Variants in CATSPERE observed in about 807,000 individuals in gnomAD.
The protein encoded by CATSPERE is cation channel sperm-associated auxiliary subunit epsilon.
Under a neutral mutation model 114.1 loss-of-function variants are expected in CATSPERE, and 93 were observed. The observed-to-expected ratio is 0.81, with a 90% CI of 0.69 to 0.97. The LOEUF is 0.97. Among genes scored for constraint, CATSPERE ranks in the 50% least tolerant of loss-of-function variants. The pLI is 0.00. For missense variants in CATSPERE, 1,058 were observed against 1,131.6 expected (o/e 0.93, Z 0.93); for synonymous variants, 341 against 384.1 (o/e 0.89, Z 1.31).
chr1:244,535,361 G>A (rs966204812), intron 8 of CATSPERE, among the ~76,000 whole-genome samples: 3 of 152,182 alleles, frequency 2.0e-5, no homozygotes, highest in African/African-American at 7.2e-5. Context: ...GTTCCCCCAG[G>A]CCCCATGTGG....
At chr1:244,467,654 G>A (rs1207127542) in intron 2 of CATSPERE, among the ~76,000 whole-genome samples, 3 of 152,304 alleles carry the variant, frequency 2.0e-5, no homozygotes, top group Admixed American at 2.0e-4. Context: ...GAACGGTTAC[G>A]ACAGCATTAT....
intron 7 of CATSPERE, among the ~76,000 whole-genome samples, chr1:244,507,716 C>T (rs574820695): frequency 3.2e-4 from 49 of 152,214 alleles, no homozygotes; most frequent in African/African-American, 1.1e-3. Flanking sequence ...CCAGTTTTCC[C>T]AGCACAATTT....
At chr1:244,569,040 G>A (rs926629757) in intron 10 of CATSPERE, among the ~76,000 whole-genome samples, 47 of 152,262 alleles carry the variant, frequency 3.1e-4, no homozygotes, top group Admixed American at 6.5e-4. Context: ...GGCAAAGACC[G>A]TGGGTTCCTC....
intron 12 of CATSPERE, among the ~76,000 whole-genome samples, chr1:244,582,767 G>A (rs1166026783): frequency 6.6e-6 from 1 of 152,204 alleles, no homozygotes; most frequent in East Asian, 1.9e-4. Context: ...TCTATGCCAA[G>A]CACTTTCTAG....
chr1:244,520,298 A>G (rs1171665919), intron 8 of CATSPERE, among the ~76,000 whole-genome samples: 2 of 151,210 alleles, frequency 1.3e-5, no homozygotes, highest in Admixed American at 6.6e-5. Flanking sequence ...TATTTGGTCT[A>G]TATTTGCAGT....
At position 244,617,686 on chromosome 1, in the gene CATSPERE, G is replaced by T; in HGVS notation, c.2648G>T (p.Ser883Ile). The change falls in exon 20 of 22, where the codon AGT becomes ATT. Residue 883 changes from serine (S) to isoleucine (I), a missense_variant and splice_region_variant. By Grantham distance (142) the Ser-to-Ile change is moderately radical. This residue lies in a region of CATSPERE where 787 missense variants were observed against 905.6 expected (regional missense o/e 0.87). Transcript: ENST00000366534. Reference protein sequence around the residue: ...FRVKILDPNYSFCNLTAMFAI... With the variant: ...FRVKILDPNYIFCNLTAMFAI... ...GTGAAGATCCTGGATCCAAACTATA[G>T]GTGAATATATGTGTTACTGTAATAG... The T allele has an allele frequency of 6.5e-7, 1 of 1,532,220 alleles. No homozygotes were observed. 94.9% of individuals were successfully genotyped at this position (1,532,220 alleles called of 1,614,324 possible).
chr1:244,630,587 C>A (rs1673811336), intron 20 of CATSPERE, among the ~76,000 whole-genome samples: 1 of 152,122 alleles, frequency 6.6e-6, no homozygotes, highest in African/African-American at 2.4e-5. Context: ...ACAGTTCAAC[C>A]AAATAACTTA....
intron 12 of CATSPERE, 47 bp from the exon 13 acceptor site, chr1:244,583,817 C>G (rs1435066660): frequency 2.0e-6 from 3 of 1,533,994 alleles, no homozygotes. Context: ...CAGTGTCATG[C>G]CTGTCTCTCA....
At chr1:244,577,247 T>C (rs1665410762) in intron 11 of CATSPERE, among the ~76,000 whole-genome samples, 1 of 151,626 alleles carries the variant, frequency 6.6e-6, no homozygotes, top group Admixed American at 6.6e-5. Context: ...ACAGTAACTC[T>C]ACTTTCATTT....
At chr1:244,621,194 T>TATA (rs1330110357) in intron 20 of CATSPERE, among the ~76,000 whole-genome samples, 1 of 13,008 alleles carries the variant, frequency 7.7e-5, no homozygotes, top group African/African-American at 1.9e-4. Flanking sequence ...TATAGATATA[T>TATA]TTATATAGAT....
chr1:244,525,343 G>A (rs956029297), intron 8 of CATSPERE, among the ~76,000 whole-genome samples: 4 of 118,640 alleles, frequency 3.4e-5, no homozygotes, highest in Non-Finnish European at 6.6e-5. Flanking sequence ...CTCTTTTGGA[G>A]TGGGGGGAGG....
chr1:244,589,239 C>T (rs868149669), intron 14 of CATSPERE, among the ~76,000 whole-genome samples: 34 of 152,104 alleles, frequency 2.2e-4, no homozygotes, highest in African/African-American at 8.0e-4. Flanking sequence ...GAGTGAGAGT[C>T]GGGGAACATT....
At chr1:244,572,297 T>C (rs531166054) in intron 10 of CATSPERE, 33 bp from the exon 11 acceptor site, 1 of 1,067,984 alleles carries the variant, frequency 9.4e-7, no homozygotes, top group South Asian at 1.6e-5. Flanking sequence ...TTATGGTTAC[T>C]TAGACTAACA....
intron 5 of CATSPERE, among the ~76,000 whole-genome samples, chr1:244,489,836 A>G (rs947069093): frequency 6.6e-6 from 1 of 152,192 alleles, no homozygotes; most frequent in African/African-American, 2.4e-5. Flanking sequence ...GTAGTTAGAT[A>G]TATGTATAGC....
At chr1:244,485,381 C>G (rs370141880) in intron 5 of CATSPERE, among the ~76,000 whole-genome samples, 108 of 152,092 alleles carry the variant, frequency 7.1e-4, no homozygotes, top group African/African-American at 2.3e-3. Flanking sequence ...GGGGTTTCAT[C>G]ATGTTGGCCA....
At chr1:244,485,602 C>T (rs916353378) in intron 5 of CATSPERE, among the ~76,000 whole-genome samples, 1 of 151,466 alleles carries the variant, frequency 6.6e-6, no homozygotes, top group Non-Finnish European at 1.5e-5. Flanking sequence ...TAACTTTTTC[C>T]ATCTTTCTGT....
chr1:244,491,572 G>A (rs899956043), intron 6 of CATSPERE, among the ~76,000 whole-genome samples: 9 of 152,146 alleles, frequency 5.9e-5, no homozygotes, highest in African/African-American at 2.2e-4. Context: ...AAAGGCAGCA[G>A]AAGGCAAGAA....
At position 244,499,041 on chromosome 1, in the gene CATSPERE, C is replaced by T. The variant is rs763977146; in HGVS notation, c.391C>T (p.Pro131Ser). ...VWAYDPESAD[P>S]DELLGNAEEP... ...GGCATATGATCCAGAAAGTGCAGAT[C>T]CTGATGAGTTGCTGGGGAATGCAGA... The change falls in exon 7 of 22, where the codon CCT becomes TCT. Residue 131 changes from proline (P) to serine (S), a missense_variant. Physicochemically the swap from Pro to Ser is moderately conservative, Grantham distance 74 (BLOSUM62 -1). This residue lies in a region of CATSPERE where 271 missense variants were observed against 225.9 expected (regional missense o/e 1.20). Transcript: ENST00000366534. 6.2e-7 allele frequency: 1 copy of T among 1,613,084 alleles called. No individual in the cohort carries two copies. Among genetic ancestry groups the T allele is most frequent in the Admixed American group, 1.7e-5 (1 of 60,002 alleles).
At chr1:244,508,389 C>T (rs1675157535) in intron 7 of CATSPERE, among the ~76,000 whole-genome samples, 1 of 151,294 alleles carries the variant, frequency 6.6e-6, no homozygotes, top group Admixed American at 6.6e-5. Context: ...CAAGCTCCGC[C>T]TCCCAGGTTC....
Sources: allele counts gnomAD v4.1 joint callset (sites outside exome capture counted in the v4.1 genomes callset), GRCh38; gene constraint gnomAD v4.1.1; regional missense constraint gnomAD v4.1.1; transcripts MANE v1.5; gene names NCBI Gene and HGNC (gene_info 2026-07-23, HGNC 2026-07-21).